Variants in FRMPD3 observed in about 807,000 individuals in gnomAD.
FRMPD3 encodes FERM and PDZ domain-containing protein 3.
FRMPD3 carries 42 observed loss-of-function variants against 97.9 expected under a neutral mutation model. The ratio of observed to expected loss-of-function variants is 0.43; its 90% CI spans 0.34 to 0.55. FRMPD3 has a LOEUF of 0.55. Ranked by LOEUF, FRMPD3 falls within the 20% of genes least tolerant of loss-of-function variation. The pLI, the probability that FRMPD3 is intolerant of heterozygous loss-of-function variation, is 0.03. For synonymous variants in FRMPD3, 577 were observed against 581.1 expected (o/e 0.99, Z 0.10); for missense variants, 1,303 against 1,457.7 (o/e 0.89, Z 1.73).
chrX:107,535,373 T>A (rs929238549), intron 4 of FRMPD3, among the ~76,000 whole-genome samples: 13 of 111,584 alleles, frequency 1.2e-4, no homozygotes, highest in Non-Finnish European at 2.4e-4. Flanking sequence ...ATATCTTACA[T>A]AACTATGTGC....
rs1277737075 is a variant in FRMPD3 at position 107,580,095 on chromosome X, A to G, written c.1441+3636A>G. Among the ~76,000 whole-genome samples the G allele has an allele frequency of 3.6e-5, 4 of 111,923 alleles. 1 individual carries two copies. The highest frequency in any genetic ancestry group is 5.6e-5 in the Non-Finnish European group (3 of 53,197). The stretch of plus-strand genomic sequence containing the variant: ...CAAGTACTAGAATGCTGGCTGAGTC[A>G]ATGTCACACAGACCGTATGTTTATA... On this transcript the variant is annotated intron_variant, in intron 13 of 14. Transcript: ENST00000683843.
intron 14 of FRMPD3, among the ~76,000 whole-genome samples, chrX:107,599,867 A>G (rs1414476294): frequency 9.0e-6 from 1 of 110,954 alleles, no homozygotes; most frequent in Non-Finnish European, 1.9e-5. Context: ...TCCAGCTGGA[A>G]ATACTGCTGG....
chrX:107,591,437 G>A (rs1400900410), intron 13 of FRMPD3, among the ~76,000 whole-genome samples: 4 of 112,049 alleles, frequency 3.6e-5, no homozygotes, highest in Non-Finnish European at 5.6e-5. Flanking sequence ...GATTACAGGC[G>A]TGAGCCACTG....
intron 1 of FRMPD3, among the ~76,000 whole-genome samples, chrX:107,489,964 G>A (rs1373413936): frequency 2.7e-5 from 3 of 111,932 alleles, no homozygotes; most frequent in Non-Finnish European, 5.6e-5. Context: ...GGTTTTTATG[G>A]TTTTAGGTCT....
At chrX:107,533,774 T>C (rs1325508220) in intron 4 of FRMPD3, among the ~76,000 whole-genome samples, 1 of 112,367 alleles carries the variant, frequency 8.9e-6, no homozygotes, top group Non-Finnish European at 1.9e-5. Context: ...TTCTGTCCTG[T>C]GCCTTCTTCT....
intron 1 of FRMPD3, among the ~76,000 whole-genome samples, chrX:107,487,524 TC>T (rs1344148687): frequency 9.0e-6 from 1 of 111,367 alleles, no homozygotes; most frequent in Non-Finnish European, 1.9e-5. Flanking sequence ...TCCTTCAAAA[TC>T]CATGCTTTCC....
intron 1 of FRMPD3, among the ~76,000 whole-genome samples, chrX:107,506,614 T>A (rs1174912371): frequency 8.9e-6 from 1 of 112,285 alleles, no homozygotes; most frequent in Non-Finnish European, 1.9e-5. Context: ...TGTCTGCATA[T>A]CTATGTCCTC....
intron 9 of FRMPD3, 102 bp from the exon 10 acceptor site, chrX:107,560,625 C>A: frequency 1.0e-6 from 1 of 985,815 alleles, no homozygotes; most frequent in Admixed American, 3.3e-5. Context: ...GTCTCTATTC[C>A]TCCATCTCTA....
At chrX:107,463,673 A>T (rs16985190) in intron 1 of FRMPD3, among the ~76,000 whole-genome samples, 2,997 of 112,738 alleles carry the variant, frequency 0.027, 93 homozygotes, top group African/African-American at 0.091. Flanking sequence ...AATGGTTCCC[A>T]TTCTAAAAAT....
Position 107,571,597 on chromosome X carries a change from G to C in FRMPD3, c.1297-4718G>C, listed in dbSNP as rs1445453535. On this transcript the variant is annotated intron_variant, in intron 12 of 14. Transcript: ENST00000683843. Reference sequence around the variant, plus strand: ...TTTATTACTGGCACTGGGCTATCTTGGGGGTAAGAGGGGAAACTGAAGTGG... The same window carrying C: ...TTTATTACTGGCACTGGGCTATCTTCGGGGTAAGAGGGGAAACTGAAGTGG... Among the ~76,000 whole-genome samples the C allele has an allele frequency of 2.7e-5, 3 of 111,517 alleles. No individual in the cohort carries two copies. The South Asian group carries it at 1.1e-3, about 43-fold the overall frequency.
intron 1 of FRMPD3, among the ~76,000 whole-genome samples, chrX:107,506,043 G>A (rs995132267): frequency 2.7e-5 from 3 of 112,224 alleles, no homozygotes; most frequent in East Asian, 2.8e-4. Flanking sequence ...CTGCTGCACC[G>A]TCACCCCCTA....
At chrX:107,522,459 CTG>C in intron 1 of FRMPD3, 1 of 556,859 alleles carries the variant, frequency 1.8e-6, no homozygotes, top group Non-Finnish European at 3.2e-6. Flanking sequence ...AATGGAGACT[CTG>C]GATAGCCAGA....
chrX:107,506,551 G>A (rs1922031519), intron 1 of FRMPD3, among the ~76,000 whole-genome samples: 1 of 112,701 alleles, frequency 8.9e-6, no homozygotes, highest in African/African-American at 3.2e-5. Flanking sequence ...AGAAAATAAT[G>A]GATGTAAAGC....
chrX:107,579,192 G>A (rs1298463526), intron 13 of FRMPD3, among the ~76,000 whole-genome samples: 1 of 112,133 alleles, frequency 8.9e-6, no homozygotes, highest in Non-Finnish European at 1.9e-5. Flanking sequence ...AGAAAAGGGA[G>A]GAAGAGGTCT....
At chrX:107,564,001 T>C (rs952967071) in intron 11 of FRMPD3, among the ~76,000 whole-genome samples, 2 of 112,212 alleles carry the variant, frequency 1.8e-5, no homozygotes, top group African/African-American at 6.5e-5. Context: ...GAGCACATTG[T>C]CAGCTAGTGC....
intron 1 of FRMPD3, among the ~76,000 whole-genome samples, chrX:107,486,400 C>A (rs1921505172): frequency 8.9e-6 from 1 of 112,748 alleles, no homozygotes; most frequent in Non-Finnish European, 1.9e-5. Flanking sequence ...TGGGTCAAGG[C>A]ATTGTCCTCC....
At chrX:107,573,604 G>A (rs1334494056) in intron 12 of FRMPD3, among the ~76,000 whole-genome samples, 1 of 111,377 alleles carries the variant, frequency 9.0e-6, no homozygotes, top group Admixed American at 9.6e-5. Context: ...CTTTCTCACT[G>A]GAAAAAAAAG....
At position 107,576,566 on chromosome X, in the gene FRMPD3, G is replaced by A. The variant is rs753203302; in HGVS notation, c.1441+107G>A. ...TTAGTGCTCACCCCGTGCCAACAGT[G>A]CCTGATTTGCCAGGAGCCAACACTG... On this transcript the variant is annotated intron_variant, in intron 13 of 14. Coordinates refer to ENST00000683843, the MANE Select transcript of FRMPD3 (RefSeq NM_001388459.1). 7.7e-5 allele frequency: 69 copies of A among 898,152 alleles called. No homozygotes were observed. The African/African-American group carries it at 1.2e-3, about 15-fold the overall frequency. The allele number at this position is 898,152 out of a possible 1,213,427, so 74.0% of individuals were successfully genotyped here.
rs375326152 is a variant in FRMPD3 at position 107,597,755 on chromosome X, C to T, written c.1876C>T (p.Arg626Cys). The T allele has an allele frequency of 5.4e-5, 65 of 1,192,912 alleles. No individual in the cohort carries two copies. The highest frequency in any genetic ancestry group is 6.4e-5 in the Non-Finnish European group (57 of 886,970). ...KAKLQEQLGP[R>C]KGGKPGSSRD... ...CAAACTTCAGGAGCAGCTGGGCCCT[C>T]GCAAAGGTGGGAAGCCTGGCTCCTC... Residue 626 changes from arginine (R) to cysteine (C), a missense_variant, in exon 14 of 15, where the codon CGC (arginine) becomes TGC (cysteine). Arg to Cys is a radical substitution (Grantham distance 180). This residue lies in a region of FRMPD3 where 535 missense variants were observed against 618.6 expected (regional missense o/e 0.86). Transcript: ENST00000683843.
Sources: gnomAD v4.1 joint callset for allele counts (sites outside exome capture counted in the v4.1 genomes callset) on GRCh38, gnomAD v4.1.1 for gene constraint, gnomAD v4.1.1 regional missense constraint, MANE v1.5 for transcripts, NCBI Gene and HGNC (gene_info 2026-07-23, HGNC 2026-07-21) for gene names.